The following SGCD variants were observed in gnomAD, a reference collection of about 807,000 sequenced individuals.
SGCD encodes delta-sarcoglycan.
SGCD carries 18 observed loss-of-function variants against 36.6 expected under a neutral mutation model. The ratio of observed to expected loss-of-function variants is 0.49; its 90% CI spans 0.34 to 0.73. SGCD has a LOEUF of 0.73. Ranked by LOEUF, SGCD falls within the 30% of genes least tolerant of loss-of-function variation. The pLI, the probability that SGCD is intolerant of heterozygous loss-of-function variation, is 0.01. For synonymous variants in SGCD, 133 were observed against 130.6 expected (o/e 1.02, Z -0.12); for missense variants, 387 against 346.7 (o/e 1.12, Z -0.92).
At position 156,225,185 on chromosome 5, in the gene SGCD, T is replaced by G. The variant is rs1433821324; in HGVS notation, c.-44+101166T>G. 2.6e-5 allele frequency among the ~76,000 whole-genome samples: 4 copies of G among 152,186 alleles called. No homozygotes were observed. The East Asian group carries it at 7.7e-4, about 29-fold the overall frequency. The stretch of plus-strand genomic sequence containing the variant: ...CTGCTCGAAAAAACACTTTATTCCC[T>G]TGGTGTTTCAGAGTTAGGTGAACTT... On this transcript the variant is annotated intron_variant, in intron 3 of 9. Coordinates refer to the SGCD transcript ENST00000517913.
chr5:156,388,531 T>C (rs1771398084), intron 3 of SGCD, among the ~76,000 whole-genome samples: 1 of 152,216 alleles, frequency 6.6e-6, no homozygotes, highest in African/African-American at 2.4e-5. Flanking sequence ...TCAGAAATCA[T>C]TTAATGACTG....
the SGCD span, among the ~76,000 whole-genome samples, chr5:155,759,870 G>A: frequency 6.6e-6 from 1 of 152,236 alleles, no homozygotes; most frequent in East Asian, 1.9e-4. Context: ...AGGTTGAACA[G>A]CTTCTGAGCC....
intron 7 of SGCD, chr5:156,739,679 T>C (rs910434156): frequency 2.6e-5 from 4 of 152,164 alleles, no homozygotes; most frequent in Non-Finnish European, 5.9e-5. Context: ...ATGACATATG[T>C]TACAGGAAGA....
intron 3 of SGCD, among the ~76,000 whole-genome samples, chr5:156,274,910 G>A (rs941245683): frequency 1.3e-5 from 2 of 152,244 alleles, no homozygotes; most frequent in Non-Finnish European, 2.9e-5. Flanking sequence ...GCATGAGAGC[G>A]GGTTTCATGG....
At chr5:156,720,556 G>A (rs557235939) in intron 7 of SGCD, among the ~76,000 whole-genome samples, 3 of 152,290 alleles carry the variant, frequency 2.0e-5, no homozygotes, top group East Asian at 3.9e-4. Flanking sequence ...CACGGAGCCA[G>A]ATGCAATGAA....
In SGCD at chr5:156,060,673, G is replaced by T. The variant is rs1357225970; in HGVS notation, c.-281-57205G>T. Among the ~76,000 whole-genome samples the T allele has an allele frequency of 1.4e-5, 2 of 145,424 alleles. 1 individual carries two copies. Among genetic ancestry groups the T allele is most frequent in the Non-Finnish European group, 3.1e-5 (2 of 64,626 alleles). On this transcript the variant is annotated intron_variant, in intron 1 of 9. Coordinates refer to the SGCD transcript ENST00000517913. ...GTGTAAAGATGTTTGGAGGTGGGAG[G>T]CCCTATGAAGAATTTGGGTGGATTC...
At chr5:155,904,743 G>A (rs1756465383) in intron 1 of SGCD, among the ~76,000 whole-genome samples, 1 of 152,048 alleles carries the variant, frequency 6.6e-6, no homozygotes, top group Non-Finnish European at 1.5e-5. Flanking sequence ...AAATACAACT[G>A]TAATCTCAAA....
chr5:156,668,813 A>T (rs747513786), intron 7 of SGCD, among the ~76,000 whole-genome samples: 1 of 152,146 alleles, frequency 6.6e-6, no homozygotes, highest in Non-Finnish European at 1.5e-5. Flanking sequence ...TGCCCTGATG[A>T]TGTCTCTCCT....
rs184479654 is a variant in SGCD at position 156,090,930 on chromosome 5, T to C, written c.-281-26948T>C. 7.0e-3 allele frequency among the ~76,000 whole-genome samples: 1,067 copies of C among 152,318 alleles called. 19 individuals are homozygous for C. Among genetic ancestry groups the C allele is most frequent in the Admixed American group, 0.033 (499 of 15,302 alleles). ...GTATTCTTCCCGACCCCGCAGGCAG[T>C]CAGACCTTATGGTTATTTTTCCTTG... On this transcript the variant is annotated intron_variant, in intron 1 of 9. Coordinates refer to the SGCD transcript ENST00000517913.
intron 6 of SGCD, among the ~76,000 whole-genome samples, chr5:156,628,113 G>A (rs1762501457): frequency 6.6e-6 from 1 of 152,124 alleles, no homozygotes; most frequent in Non-Finnish European, 1.5e-5. Context: ...CATGGCAAAA[G>A]CAGGGGCAAG....
chr5:156,284,255 T>C lies in SGCD; in HGVS notation c.-43-45279T>C, dbSNP rs554094323. On this transcript the variant is annotated intron_variant, in intron 3 of 9. Transcript: ENST00000517913. ...TTCTACTAGAGCTACATGGAGGAGCTGGTACCATTCCTTCTGAAACTATTC... is the reference window on the plus strand; with the variant it reads ...TTCTACTAGAGCTACATGGAGGAGCCGGTACCATTCCTTCTGAAACTATTC... 3.9e-5 allele frequency among the ~76,000 whole-genome samples: 6 copies of C among 152,286 alleles called. No homozygotes were observed. The East Asian group carries it at 5.8e-4, about 15-fold the overall frequency.
rs964092269 is a variant in SGCD, at chr5:155,962,148, G to A, written c.-282+91724G>A. On this transcript the variant is annotated intron_variant, in intron 1 of 9. Coordinates refer to the SGCD transcript ENST00000517913. ...TGCATAGTTACATAGCAGTCAGGGG[G>A]CAGAGTCAGAATTTGAACCCAAATC... Among the ~76,000 whole-genome samples the A allele has an allele frequency of 3.9e-5, 6 of 152,018 alleles. No individual in the cohort carries two copies. The East Asian group carries it at 7.8e-4, about 20-fold the overall frequency.
intron 6 of SGCD, among the ~76,000 whole-genome samples, chr5:156,620,571 A>G (rs1442710374): frequency 6.6e-6 from 1 of 152,204 alleles, no homozygotes; most frequent in Non-Finnish European, 1.5e-5. Flanking sequence ...TTCGGGAGAA[A>G]CTTCCTAGAG....
At position 156,054,857 on chromosome 5, in the gene SGCD, A is replaced by G. The variant is rs1469127784; in HGVS notation, c.-281-63021A>G. On this transcript the variant is annotated intron_variant, in intron 1 of 9. Transcript: ENST00000517913. ...CACAAACAGGGTTACTGGACTTTAC[A>G]TTATTCTTAAACTCAAAATGGAGAG... is the stretch of plus-strand genomic sequence containing the variant. Among the ~76,000 whole-genome samples, 3 of 146,682 alleles carry G rather than the reference A, an allele frequency of 2.0e-5. 1 individual carries two copies. Among genetic ancestry groups the G allele is most frequent in the Admixed American group, 1.4e-4 (2 of 14,730 alleles).
chr5:156,046,288 G>A (rs961143270), intron 1 of SGCD, among the ~76,000 whole-genome samples: 7 of 152,048 alleles, frequency 4.6e-5, no homozygotes, highest in Non-Finnish European at 1.0e-4. Flanking sequence ...TTATCAATAG[G>A]CAAGTTTAGA....
chr5:156,576,770 T>C (rs1031515399), intron 4 of SGCD, among the ~76,000 whole-genome samples: 1 of 148,566 alleles, frequency 6.7e-6, no homozygotes, highest in Non-Finnish European at 1.5e-5. Context: ...TTTGATGGGG[T>C]TTTTTTTTCT....
chr5:156,407,961 C>G (rs780270039), intron 3 of SGCD, among the ~76,000 whole-genome samples: 6 of 151,978 alleles, frequency 3.9e-5, no homozygotes, highest in African/African-American at 9.7e-5. Flanking sequence ...ATTTTTATCC[C>G]CTAAAGTGGA....
intron 3 of SGCD, among the ~76,000 whole-genome samples, chr5:156,135,448 C>A (rs1422559647): frequency 6.6e-6 from 1 of 152,174 alleles, no homozygotes; most frequent in Non-Finnish European, 1.5e-5. Flanking sequence ...TGTAGCCTTA[C>A]AGACATCACT....
intron 1 of SGCD, among the ~76,000 whole-genome samples, chr5:155,959,072 G>C (rs772044807): frequency 6.6e-6 from 1 of 152,004 alleles, no homozygotes; most frequent in Non-Finnish European, 1.5e-5. Context: ...ATCAACAAAT[G>C]TAATTCAAGG....
Sources: gnomAD v4.1 joint callset for allele counts (sites outside exome capture counted in the v4.1 genomes callset) on GRCh38, gnomAD v4.1.1 for gene constraint, MANE v1.5 for transcripts, NCBI Gene and HGNC (gene_info 2026-07-23, HGNC 2026-07-21) for gene names.